Variants in NOTCH2 observed in about 807,000 individuals in gnomAD.
NOTCH2 encodes the protein neurogenic locus notch homolog protein 2.
A neutral mutation model predicts 235.8 loss-of-function variants in NOTCH2; 29 were observed. That is an observed-to-expected ratio of 0.12 (90% CI 0.09 to 0.17). The LOEUF is 0.17. Among genes scored for constraint, NOTCH2 ranks in the 10% least tolerant of loss-of-function variants. The pLI, the probability that NOTCH2 is intolerant of heterozygous loss-of-function variation, is 1.00. For missense variants in NOTCH2, 2,285 were observed against 3,150.2 expected, an observed-to-expected ratio of 0.73 and a Z score of 6.57; for synonymous variants, 1,086 against 1,141.5, an observed-to-expected ratio of 0.95 and a Z score of 0.98.
intron 12 of NOTCH2, among the ~76,000 whole-genome samples, chr1:119,958,714 A>ATGTGTGTGTG (rs10546889): frequency 2.0e-5 from 3 of 149,748 alleles, no homozygotes; most frequent in Admixed American, 6.7e-5. Context: ...GAGAGAGAAG[A>ATGTGTGTGTG]TGTGTGTGTG....
At chr1:119,932,979 T>C (rs1162182499) in intron 22 of NOTCH2, among the ~76,000 whole-genome samples, 2 of 152,158 alleles carry the variant, frequency 1.3e-5, no homozygotes, top group Non-Finnish European at 2.9e-5. Context: ...TTGGTCTATA[T>C]GCATATATGC....
intron 22 of NOTCH2, among the ~76,000 whole-genome samples, chr1:119,930,003 A>C (rs1466536420): frequency 6.6e-5 from 10 of 152,210 alleles, no homozygotes; most frequent in African/African-American, 2.4e-4. Flanking sequence ...TTGTGTTATA[A>C]TTGCCTACAA....
Position 119,940,581 on chromosome 1 carries a change from G to A in NOTCH2, c.3157C>T (p.Leu1053=). ...TGACAGTTTTTCCCAGTGTAGCCCA[G>A]GGGGCAGCTGCAGCGGTAGGTACCC... ...GLGTYRCSCP[L]GYTGKNCQTL... Residue 1053 remains leucine, a synonymous_variant, in exon 19 of 34, where the codon CTG becomes TTG. Transcript: ENST00000256646. 1 of 1,613,874 alleles carries A rather than the reference G, an allele frequency of 6.2e-7. No individual in the cohort carries two copies. Among genetic ancestry groups the A allele is most frequent in the South Asian group, 1.1e-5 (1 of 91,064 alleles).
intron 2 of NOTCH2, among the ~76,000 whole-genome samples, chr1:120,027,308 T>C (rs1689994): frequency 1.5e-5 from 2 of 137,676 alleles, no homozygotes; most frequent in East Asian, 2.1e-4. Flanking sequence ...GAAACCTTCT[T>C]TCCCCATGTC....
chr1:120,009,503 T>C (rs1653101962), intron 2 of NOTCH2, among the ~76,000 whole-genome samples: 1 of 151,900 alleles, frequency 6.6e-6, no homozygotes, highest in South Asian at 2.1e-4. Context: ...AAATTATTGT[T>C]TCACAGCTAA....
intron 12 of NOTCH2, 121 bp from the exon 13 acceptor site, chr1:119,955,353 C>G (rs1321954752): frequency 1.2e-5 from 11 of 940,986 alleles, no homozygotes; most frequent in Non-Finnish European, 1.7e-5. Context: ...CTTGAGGCAC[C>G]AAATGTCAAG....
At chr1:119,926,451 G>A (rs1393011965) in intron 24 of NOTCH2, 48 bp downstream of exon 24, 2 of 1,313,090 alleles carry the variant, frequency 1.5e-6, no homozygotes, top group Admixed American at 1.9e-5. Context: ...TTCACAGATT[G>A]TATGGAAGAG....
At chr1:120,046,022 G>A (rs1476518637) in intron 1 of NOTCH2, among the ~76,000 whole-genome samples, 4 of 152,024 alleles carry the variant, frequency 2.6e-5, no homozygotes, top group African/African-American at 9.7e-5. Context: ...TTTATATAAT[G>A]TATAAATATG....
intron 3 of NOTCH2, 23 bp downstream of exon 3, chr1:120,005,306 C>A (rs1474544598): frequency 6.2e-7 from 1 of 1,613,906 alleles, no homozygotes; most frequent in Non-Finnish European, 8.5e-7. Flanking sequence ...TAGGAAACCA[C>A]TGGCTTTGGT....
At chr1:119,997,830 T>G (rs1278418407) in intron 3 of NOTCH2, among the ~76,000 whole-genome samples, 2 of 140,998 alleles carry the variant, frequency 1.4e-5, no homozygotes, top group African/African-American at 5.9e-5. Context: ...AAAAATTAGC[T>G]GGGCATGGTG....
intron 2 of NOTCH2, among the ~76,000 whole-genome samples, chr1:120,027,724 G>A (rs587706550): frequency 4.6e-5 from 7 of 151,122 alleles, no homozygotes; most frequent in South Asian, 4.2e-4. Context: ...AGAACATGCC[G>A]TGTTTGGTTT....
At chr1:120,062,949 G>GT (rs1557867344) in intron 1 of NOTCH2, among the ~76,000 whole-genome samples, 1 of 152,052 alleles carries the variant, frequency 6.6e-6, no homozygotes, top group Non-Finnish European at 1.5e-5. Flanking sequence ...AGACCACAAC[G>GT]TATGTTCTGC....
intron 5 of NOTCH2, among the ~76,000 whole-genome samples, chr1:119,979,145 T>C (rs1342239874): frequency 2.0e-5 from 3 of 152,180 alleles, no homozygotes; most frequent in Non-Finnish European, 4.4e-5. Context: ...TATAAAGGAC[T>C]GACCTGACAA....
chr1:119,923,497 G>T (rs1357478205), intron 26 of NOTCH2, 140 bp downstream of exon 26: 4 of 768,448 alleles, frequency 5.2e-6, no homozygotes, highest in Non-Finnish European at 9.0e-6. Flanking sequence ...AAGTACTGGG[G>T]TAACGGGTTT....
At chr1:119,932,974 CTATATGCA>C (rs1649721160) in intron 22 of NOTCH2, among the ~76,000 whole-genome samples, 1 of 152,040 alleles carries the variant, frequency 6.6e-6, no homozygotes, top group South Asian at 2.1e-4. Context: ...CACTTTTGGT[CTATATGCA>C]TATATGCATA....
chr1:120,025,043 A>C (rs1653789811), intron 2 of NOTCH2, among the ~76,000 whole-genome samples: 1 of 151,890 alleles, frequency 6.6e-6, no homozygotes, highest in South Asian at 2.1e-4. Context: ...CAGTTCATGC[A>C]GCAGAAGAGG....
Position 119,949,146 on chromosome 1 carries a change from G to C in NOTCH2, c.2480-20C>G. The C allele has an allele frequency of 1.9e-6, 3 of 1,614,062 alleles. No homozygotes were observed. Among genetic ancestry groups the C allele is most frequent in the Non-Finnish European group, 2.5e-6 (3 of 1,179,972 alleles). ...TCTTGCCTAGAAAGTAAATGACAGAGTTTATGACAGATAAACAGGTAAGAA... is the reference window on the plus strand; with the variant it reads ...TCTTGCCTAGAAAGTAAATGACAGACTTTATGACAGATAAACAGGTAAGAA... On this transcript the variant is annotated intron_variant, in intron 15 of 33. Coordinates refer to ENST00000256646, the MANE Select transcript of NOTCH2 (RefSeq NM_024408.4).
intron 2 of NOTCH2, among the ~76,000 whole-genome samples, chr1:120,015,073 T>A: frequency 6.9e-6 from 1 of 145,740 alleles, no homozygotes. Flanking sequence ...TCCCACCACA[T>A]ACAAGAAGAA....
chr1:120,031,613 ATAT>A (rs1295399023), intron 1 of NOTCH2, among the ~76,000 whole-genome samples: 3 of 150,710 alleles, frequency 2.0e-5, no homozygotes, highest in African/African-American at 4.9e-5. Flanking sequence ...GGCAGCGTGG[ATAT>A]TATTATACCC....
Sources: allele counts gnomAD v4.1 joint callset (sites outside exome capture counted in the v4.1 genomes callset), GRCh38; gene constraint gnomAD v4.1.1; transcripts MANE v1.5; gene names NCBI Gene and HGNC (gene_info 2026-07-23, HGNC 2026-07-21).